The following PRRX1 variants were observed in gnomAD, a reference collection of about 807,000 sequenced individuals.
PRRX1 encodes the protein paired mesoderm homeobox protein 1.
Under a neutral mutation model 24.0 loss-of-function variants are expected in PRRX1, and 8 were observed. The ratio of observed to expected loss-of-function variants is 0.33; its 90% confidence interval spans 0.20 to 0.60. The LOEUF is 0.60. Among genes scored for constraint, PRRX1 ranks in the 20% least tolerant of loss-of-function variants. PRRX1 has a pLI of 0.82. For missense variants in PRRX1, 281 were observed against 322.4 expected, an observed-to-expected ratio of 0.87 and a Z score of 0.98; for synonymous variants, 160 against 131.7, an observed-to-expected ratio of 1.22 and a Z score of -1.47.
chr1:170,680,828 T>C (rs1390781256), intron 1 of PRRX1, among the ~76,000 whole-genome samples: 1 of 152,200 alleles, frequency 6.6e-6, no homozygotes, highest in East Asian at 1.9e-4. Flanking sequence ...TACAATTTTC[T>C]GAGTAGCAAG....
chr1:170,703,002 T>G (rs1243339262), intron 1 of PRRX1, among the ~76,000 whole-genome samples: 1 of 152,170 alleles, frequency 6.6e-6, no homozygotes, highest in African/African-American at 2.4e-5. Flanking sequence ...GGAACTTCAG[T>G]TTGCAAAGCC....
intron 1 of PRRX1, among the ~76,000 whole-genome samples, chr1:170,666,899 C>T (rs1652956811): frequency 6.6e-6 from 1 of 151,996 alleles, no homozygotes. Flanking sequence ...GATTCGGAGG[C>T]GACGCGCGGT....
At chr1:170,691,736 C>G (rs1475556245) in intron 1 of PRRX1, among the ~76,000 whole-genome samples, 1 of 151,612 alleles carries the variant, frequency 6.6e-6, no homozygotes, top group Admixed American at 6.6e-5. Flanking sequence ...TTCTCTTCTA[C>G]TCTTATGTGT....
In PRRX1 at chr1:170,721,823, C is replaced by T. The variant is rs148959993; in HGVS notation, c.417+1922C>T. On this transcript the variant is annotated intron_variant, in intron 2 of 3. Coordinates refer to ENST00000239461, the MANE Select transcript of PRRX1 (RefSeq NM_022716.4). ...GCTGTTAAATCCTTTCCTCTCTCCT[C>T]AAAAACCCCATGTCTTTTATGCCAC... is the stretch of plus-strand genomic sequence containing the variant. 7.3e-3 allele frequency among the ~76,000 whole-genome samples: 1,119 copies of T among 152,288 alleles called. 10 individuals carry two copies. Among genetic ancestry groups the T allele is most frequent in the African/African-American group, 0.026 (1,079 of 41,554 alleles).
Position 170,737,139 on chromosome 1 carries a change from G to GTATATATT in PRRX1, c.*969_*976dup, listed in dbSNP as rs992091711. 6.1e-6 allele frequency: 1 copy of GTATATATT among 164,536 alleles called. No individual in the cohort carries two copies. Among genetic ancestry groups the GTATATATT allele is most frequent in the Admixed American group, 6.6e-5 (1 of 15,076 alleles). The allele number at this position is 164,536 out of a possible 1,614,324, so 10.2% of individuals were successfully genotyped here. A position where few individuals can be genotyped will look rare whatever the true frequency, so the allele number is the denominator to read the frequency against. ...TGAGATGCACACTTATATATATACT[G>GTATATATT]TATATATTTATATATTTATATATAT... On this transcript the variant is annotated 3_prime_UTR_variant, in exon 4 of 4. Coordinates refer to ENST00000239461, the MANE Select transcript of PRRX1 (RefSeq NM_022716.4).
chr1:170,674,201 C>T lies in PRRX1; in HGVS notation c.241+9742C>T, dbSNP rs536137517. Among the ~76,000 whole-genome samples the T allele has an allele frequency of 4.9e-4, 75 of 152,276 alleles. 1 individual carries two copies. The East Asian group carries it at 0.014, about 27-fold the overall frequency. On this transcript the variant is annotated intron_variant, in intron 1 of 3. Coordinates refer to ENST00000239461, the MANE Select transcript of PRRX1 (RefSeq NM_022716.4). The stretch of plus-strand genomic sequence containing the variant: ...CTGATACCTCTCTCTCTCTCTCTCT[C>T]TGTCACACACACACACGTGTGCGCG...
chr1:170,675,657 C>T (rs1653296929), intron 1 of PRRX1, among the ~76,000 whole-genome samples: 1 of 152,100 alleles, frequency 6.6e-6, no homozygotes, highest in Admixed American at 6.6e-5. Flanking sequence ...ACATGAGCAT[C>T]TACAGCATTT....
intron 1 of PRRX1, among the ~76,000 whole-genome samples, chr1:170,700,874 C>A (rs967446246): frequency 1.3e-5 from 2 of 152,170 alleles, no homozygotes; most frequent in African/African-American, 2.4e-5. Context: ...CTTCTTAAAG[C>A]TCCCAAATGC....
At chr1:170,732,673 A>G (rs137909577) in intron 3 of PRRX1, among the ~76,000 whole-genome samples, 216 of 152,306 alleles carry the variant, frequency 1.4e-3, no homozygotes, top group African/African-American at 4.9e-3. Flanking sequence ...AACATTTGTT[A>G]AGAGGCTGTG....
chr1:170,663,167 G>GT (rs1192672308), upstream of PRRX1: 3 of 150,264 alleles, frequency 2.0e-5, no homozygotes, highest in Non-Finnish European at 4.4e-5. Context: ...TAATCAGACT[G>GT]TTTTTTGGTC....
intron 1 of PRRX1, among the ~76,000 whole-genome samples, chr1:170,686,189 A>AC: frequency 6.6e-6 from 1 of 152,140 alleles, no homozygotes; most frequent in Non-Finnish European, 1.5e-5. Flanking sequence ...CAAAAAAAAA[A>AC]AAAAAACAAG....
At chr1:170,692,119 G>T (rs572915567) in intron 1 of PRRX1, among the ~76,000 whole-genome samples, 2 of 152,116 alleles carry the variant, frequency 1.3e-5, no homozygotes, top group Non-Finnish European at 2.9e-5. Flanking sequence ...TGAGAGAGGA[G>T]CCAATTCCAT....
intron 2 of PRRX1, among the ~76,000 whole-genome samples, chr1:170,720,991 T>A (rs1036261896): frequency 2.6e-5 from 4 of 152,198 alleles, no homozygotes; most frequent in African/African-American, 9.6e-5. Flanking sequence ...ATAGTGTTCT[T>A]CATTTTGCAG....
intron 1 of PRRX1, among the ~76,000 whole-genome samples, chr1:170,709,468 T>A (rs1170803177): frequency 6.6e-6 from 1 of 152,192 alleles, no homozygotes; most frequent in Non-Finnish European, 1.5e-5. Context: ...AAGCTTCAGG[T>A]ATGACAAAGA....
At chr1:170,679,255 A>G (rs1367636860) in intron 1 of PRRX1, among the ~76,000 whole-genome samples, 6 of 152,328 alleles carry the variant, frequency 3.9e-5, no homozygotes, top group South Asian at 4.2e-4. Flanking sequence ...GAATATGTGA[A>G]CAAACAAGTG....
chr1:170,672,935 T>C (rs1380116689), intron 1 of PRRX1, among the ~76,000 whole-genome samples: 1 of 152,176 alleles, frequency 6.6e-6, no homozygotes, highest in African/African-American at 2.4e-5. Context: ...GCCGAAAATC[T>C]GTGTTGCAGA....
intron 2 of PRRX1, among the ~76,000 whole-genome samples, chr1:170,721,645 G>A (rs144703359): frequency 6.6e-6 from 1 of 152,320 alleles, no homozygotes; most frequent in Non-Finnish European, 1.5e-5. Context: ...TCAGGAGGAA[G>A]TGTGAGTGCA....
rs538527595 is a variant in PRRX1, at chr1:170,736,289, A to C, written c.*103A>C. The C allele has an allele frequency of 2.1e-6, 3 of 1,445,340 alleles. No individual in the cohort carries two copies. The highest frequency in any genetic ancestry group is 2.9e-6 in the Non-Finnish European group (3 of 1,048,484). 89.5% of individuals were successfully genotyped at this position (1,445,340 alleles called of 1,614,324 possible). A position where few individuals can be genotyped will look rare whatever the true frequency, so the allele number is the denominator to read the frequency against. ...CTGCTGGGGGGAAAAAGTAAATTAC[A>C]AACAAACAAACAAAGCAGAACTAAA... On this transcript the variant is annotated 3_prime_UTR_variant, in exon 4 of 4. Coordinates refer to ENST00000239461, the MANE Select transcript of PRRX1 (RefSeq NM_022716.4).
At chr1:170,705,342 C>A (rs1571334903) in intron 1 of PRRX1, among the ~76,000 whole-genome samples, 1 of 152,122 alleles carries the variant, frequency 6.6e-6, no homozygotes, top group Non-Finnish European at 1.5e-5. Flanking sequence ...AGTGCAGTGG[C>A]ACAATCATGG....
Sources: gnomAD v4.1 joint callset for allele counts (sites outside exome capture counted in the v4.1 genomes callset) on GRCh38, gnomAD v4.1.1 for gene constraint, MANE v1.5 for transcripts, NCBI Gene and HGNC (gene_info 2026-07-23, HGNC 2026-07-21) for gene names.